Variants in SHANK2 observed in about 807,000 individuals in gnomAD.
SHANK2 encodes SH3 and multiple ankyrin repeat domains protein 2.
In SHANK2, 43 loss-of-function variants were observed where a neutral mutation model predicts 133.7. That is an observed-to-expected ratio of 0.32 (90% CI 0.25 to 0.41). SHANK2 has a LOEUF of 0.41. Ranked by LOEUF, SHANK2 falls within the 10% of genes least tolerant of loss-of-function variation. The probability of loss-of-function intolerance (pLI) is 1.00; values close to 1 mark genes in which losing one functional copy is unlikely to be tolerated. For missense variants in SHANK2, 1,994 were observed against 2,235.8 expected, an observed-to-expected ratio of 0.89 and a Z score of 2.18; for synonymous variants, 1,017 against 952.8, an observed-to-expected ratio of 1.07 and a Z score of -1.24.
At chr11:71,126,658 T>G (rs1429945300) in intron 3 of SHANK2, among the ~76,000 whole-genome samples, 1 of 152,154 alleles carries the variant, frequency 6.6e-6, no homozygotes, top group Non-Finnish European at 1.5e-5. Context: ...ATATTCATGT[T>G]TCATAAGAGG....
At chr11:70,537,914 C>G (rs1214960867) in intron 17 of SHANK2, among the ~76,000 whole-genome samples, 2 of 152,184 alleles carry the variant, frequency 1.3e-5, no homozygotes, top group Non-Finnish European at 2.9e-5. Flanking sequence ...GGCACGTGCC[C>G]TGAGGAACTC....
chr11:71,079,758 AAAAGAGAGAAAG>A, intron 8 of SHANK2, among the ~76,000 whole-genome samples: 1 of 149,022 alleles, frequency 6.7e-6, no homozygotes, highest in Non-Finnish European at 1.5e-5. Context: ...AGACTCCGAG[AAAAGAGAGAAAG>A]AAAGAGAGAG....
At chr11:71,207,998 T>C (rs1163708729) in intron 2 of SHANK2, among the ~76,000 whole-genome samples, 2 of 151,774 alleles carry the variant, frequency 1.3e-5, no homozygotes, top group Non-Finnish European at 2.9e-5. Context: ...CCGAGAGGTA[T>C]ACTGGGTTTG....
intron 10 of SHANK2, among the ~76,000 whole-genome samples, chr11:70,930,142 T>C (rs1256017454): frequency 1.3e-5 from 2 of 152,222 alleles, no homozygotes; most frequent in African/African-American, 4.8e-5. Flanking sequence ...GGACCTACTG[T>C]GTAAACCTCA....
chr11:70,815,175 AACAC>A (rs61610592), intron 12 of SHANK2, among the ~76,000 whole-genome samples: 9,559 of 119,126 alleles, frequency 0.08, 453 homozygotes, highest in East Asian at 0.11. Flanking sequence ...TGGGAGAAGA[AACAC>A]ACACACACAC....
chr11:70,923,833 A>G (rs545833695), intron 10 of SHANK2, among the ~76,000 whole-genome samples: 4 of 152,268 alleles, frequency 2.6e-5, no homozygotes, highest in African/African-American at 9.6e-5. Context: ...GATGACAGGC[A>G]TGAGCCGCCA....
At chr11:71,117,464 A>G (rs1951998812) in intron 4 of SHANK2, among the ~76,000 whole-genome samples, 1 of 152,188 alleles carries the variant, frequency 6.6e-6, no homozygotes, top group South Asian at 2.1e-4. Context: ...TGGAGCACTA[A>G]TGAGATGACT....
At chr11:70,613,594 C>T (rs1365495234) in intron 17 of SHANK2, among the ~76,000 whole-genome samples, 1 of 151,926 alleles carries the variant, frequency 6.6e-6, no homozygotes, top group Non-Finnish European at 1.5e-5. Flanking sequence ...TAAACTGTGT[C>T]CCCCAAAAAG....
chr11:70,723,925 T>C (rs1320325088), intron 14 of SHANK2, among the ~76,000 whole-genome samples: 1 of 151,594 alleles, frequency 6.6e-6, no homozygotes, highest in Non-Finnish European at 1.5e-5. Flanking sequence ...GGGACAGAAA[T>C]AAGAGCAGTT....
intron 17 of SHANK2, among the ~76,000 whole-genome samples, chr11:70,558,109 C>T (rs1050067131): frequency 8.5e-5 from 13 of 152,268 alleles, no homozygotes; most frequent in South Asian, 2.1e-4. Context: ...GGCAGGGGTC[C>T]AGCTGCCCAC....
chr11:70,941,297 C>T (rs1555084369), intron 10 of SHANK2, among the ~76,000 whole-genome samples: 1 of 152,200 alleles, frequency 6.6e-6, no homozygotes, highest in Admixed American at 6.5e-5. Context: ...AAAATGGAGG[C>T]TGACACACTT....
At chr11:71,238,217 C>T (rs563664077) in intron 1 of SHANK2, among the ~76,000 whole-genome samples, 1 of 152,224 alleles carries the variant, frequency 6.6e-6, no homozygotes, top group African/African-American at 2.4e-5. Context: ...CTGCCTGTAA[C>T]AGGACCTGTG....
chr11:71,090,957 G>A lies in SHANK2; in HGVS notation c.912+1465C>T, dbSNP rs146636248. 1.3e-3 allele frequency among the ~76,000 whole-genome samples: 198 copies of A among 150,786 alleles called. 1 individual carries two copies. The highest frequency in any genetic ancestry group is 4.6e-3 in the African/African-American group (189 of 40,972). ...CCCACCCACATCATGGAGGGTCATC[G>A]GCTTAACTCAAAGTCCACTGATTTA... On this transcript the variant is annotated intron_variant, in intron 8 of 25. Transcript: ENST00000601538.
At chr11:71,241,373 C>G (rs778449643) in intron 1 of SHANK2, among the ~76,000 whole-genome samples, 29 of 152,164 alleles carry the variant, frequency 1.9e-4, no homozygotes, top group African/African-American at 6.5e-4. Context: ...AAGCTTCCAG[C>G]GAGCGGGAAG....
intron 17 of SHANK2, among the ~76,000 whole-genome samples, chr11:70,530,078 T>C (rs750651903): frequency 6.6e-6 from 1 of 152,192 alleles, no homozygotes; most frequent in Non-Finnish European, 1.5e-5. Context: ...GAGAAAGGAA[T>C]GCAGGGACTC....
intron 17 of SHANK2, among the ~76,000 whole-genome samples, chr11:70,575,029 C>T (rs1554983925): frequency 6.6e-6 from 1 of 152,154 alleles, no homozygotes; most frequent in African/African-American, 2.4e-5. Context: ...GCCACACACA[C>T]AAAGGGCACA....
intron 2 of SHANK2, among the ~76,000 whole-genome samples, chr11:71,152,533 C>T (rs1460120844): frequency 6.6e-6 from 1 of 152,226 alleles, no homozygotes; most frequent in Non-Finnish European, 1.5e-5. Context: ...GGAGGGGCTC[C>T]TGAGGCCACA....
chr11:71,118,391 G>A (rs781850554), intron 4 of SHANK2, among the ~76,000 whole-genome samples: 5 of 152,228 alleles, frequency 3.3e-5, no homozygotes, highest in South Asian at 4.2e-4. Context: ...ATATGGCTGC[G>A]GAGGCCTCAG....
chr11:70,721,628 C>T (rs1026095017), intron 14 of SHANK2, among the ~76,000 whole-genome samples: 7 of 152,132 alleles, frequency 4.6e-5, no homozygotes, highest in Admixed American at 6.6e-5. Context: ...TCTGGAGGTT[C>T]GTGGGCCAGC....
Sources: gnomAD v4.1 joint callset for allele counts (sites outside exome capture counted in the v4.1 genomes callset) on GRCh38, gnomAD v4.1.1 for gene constraint, MANE v1.5 for transcripts, NCBI Gene and HGNC (gene_info 2026-07-23, HGNC 2026-07-21) for gene names.